The following FSHR variants were observed in gnomAD, a reference collection of about 807,000 sequenced individuals.
FSHR encodes follicle stimulating hormone receptor, also known as follicle-stimulating hormone receptor.
In FSHR, 46 loss-of-function variants were observed where a neutral mutation model predicts 52.1. The observed-to-expected ratio is 0.88, with a 90% CI of 0.70 to 1.13. The LOEUF is 1.13. Ranked by LOEUF, FSHR falls within the 50% of genes most tolerant of loss-of-function variation. The pLI is 0.00. For missense variants in FSHR, 964 were observed against 834.6 expected, an observed-to-expected ratio of 1.16 and a Z score of -1.91; for synonymous variants, 399 against 309.6, an observed-to-expected ratio of 1.29 and a Z score of -3.03.
chr2:49,121,382 A>G (rs1312176925), intron 1 of FSHR, among the ~76,000 whole-genome samples: 1 of 152,200 alleles, frequency 6.6e-6, no homozygotes, highest in African/African-American at 2.4e-5. Context: ...AGTGTTTTGT[A>G]AACTGTAAAG....
intron 2 of FSHR, among the ~76,000 whole-genome samples, chr2:49,066,391 T>C (rs1294146054): frequency 1.3e-5 from 2 of 151,700 alleles, no homozygotes; most frequent in East Asian, 1.9e-4. Flanking sequence ...GGAAAGGAGA[T>C]GAGAATTTCT....
chr2:48,966,909 G>A (rs1674501144), intron 9 of FSHR, among the ~76,000 whole-genome samples: 2 of 152,122 alleles, frequency 1.3e-5, no homozygotes, highest in Non-Finnish European at 2.9e-5. Context: ...AGAGCCGAGT[G>A]GTCTGGAGGG....
chr2:49,064,095 T>C (rs1024601790), intron 2 of FSHR, among the ~76,000 whole-genome samples: 1 of 151,682 alleles, frequency 6.6e-6, no homozygotes, highest in African/African-American at 2.4e-5. Flanking sequence ...TGTTTGCACA[T>C]GCATGGTGGG....
chr2:49,070,163 T>C (rs975078546), intron 1 of FSHR, among the ~76,000 whole-genome samples: 37 of 152,254 alleles, frequency 2.4e-4, no homozygotes, highest in African/African-American at 8.4e-4. Context: ...GTTGTTGTAA[T>C]AGCAATAAAT....
chr2:48,988,792 A>T (rs368534764), intron 6 of FSHR, among the ~76,000 whole-genome samples, 185 bp downstream of exon 6: 1 of 152,260 alleles, frequency 6.6e-6, no homozygotes, highest in African/African-American at 2.4e-5. Context: ...ATCATAAATT[A>T]TTAACATGAC....
rs1351621076 is a variant in FSHR at position 49,017,494 on chromosome 2, T to C, written c.369A>G (p.Gln123=). The part of the protein sequence containing the change: ...PEAFQNLPNL[Q]YLLISNTGIK... The stretch of plus-strand genomic sequence containing the variant: ...CAAACTACATGAGTTCTTACAGATA[T>C]TGAAGGTTGGGAAGGTTCTGGAAGG... The change falls in exon 4 of 10, where the codon CAA becomes CAG. Residue 123 remains glutamine (Q), a synonymous_variant. Transcript: ENST00000406846. 1.9e-6 allele frequency: 3 copies of C among 1,611,192 alleles called. No individual in the cohort carries two copies. Among genetic ancestry groups the C allele is most frequent in the Admixed American group, 3.3e-5 (2 of 59,932 alleles).
chr2:49,033,517 G>A lies in FSHR; in HGVS notation c.225-13357C>T, dbSNP rs574918529. On this transcript the variant is annotated intron_variant, in intron 2 of 9. Transcript: ENST00000406846. ...GGAGTTGATGAAGAGGCCAACGCAGGAGGGCTGTTTTCAGCTCAGATAAGG... is the reference window on the plus strand; with the variant it reads ...GGAGTTGATGAAGAGGCCAACGCAGAAGGGCTGTTTTCAGCTCAGATAAGG... Among the ~76,000 whole-genome samples the A allele has an allele frequency of 7.2e-5, 11 of 152,252 alleles. No homozygotes were observed. In the South Asian group the frequency reaches 1.9e-3, roughly 26 times the overall value.
rs984242436 is a variant in FSHR, at chr2:48,962,817, C to A, written c.2004G>T (p.Arg668Ser). The A allele has an allele frequency of 2.5e-6, 4 of 1,613,992 alleles. No homozygotes were observed. In the African/African-American group the frequency reaches 4.0e-5, roughly 16 times the overall value. The part of the protein sequence containing the change: ...TSSTVHNTHP[R>S]NGHCSSAPRV... ...TGGGAGCTGAAGAGCAGTGGCCATT[C>A]CTTGGATGGGTGTTGTGGACAGTGG... Residue 668 changes from arginine to serine, a missense_variant, in exon 10 of 10, where the codon AGG becomes AGT. Coordinates refer to ENST00000406846, the MANE Select transcript of FSHR (RefSeq NM_000145.4).
chr2:49,121,158 T>C (rs1269015973), intron 1 of FSHR, among the ~76,000 whole-genome samples: 5 of 152,222 alleles, frequency 3.3e-5, no homozygotes, highest in African/African-American at 7.2e-5. Flanking sequence ...CTGCCACTTA[T>C]TGAGCAGCTT....
chr2:49,026,248 T>C (rs1030931864), intron 2 of FSHR, among the ~76,000 whole-genome samples: 5 of 152,268 alleles, frequency 3.3e-5, no homozygotes, highest in Admixed American at 3.3e-4. Flanking sequence ...GTGTTCATTT[T>C]TAGGTTTACC....
At chr2:49,086,790 G>A (rs1670409328) in intron 1 of FSHR, among the ~76,000 whole-genome samples, 2 of 152,112 alleles carry the variant, frequency 1.3e-5, no homozygotes, top group Non-Finnish European at 2.9e-5. Context: ...ACAGGTGCCC[G>A]CCATCATGTC....
Position 48,963,552 on chromosome 2 carries a change from G to A in FSHR, c.1269C>T (p.Ile423=), listed in dbSNP as rs901580903. 1 of 1,614,196 alleles carries A rather than the reference G, an allele frequency of 6.2e-7. No homozygotes were observed. The highest frequency in any genetic ancestry group is 1.1e-5 in the South Asian group (1 of 91,088). Reference sequence around the variant, plus strand: ...AGTTGTGATATTGGCTCTTGGTATGGATATCAACTGATGCAATGAGCAGCA... The same window carrying A: ...AGTTGTGATATTGGCTCTTGGTATGAATATCAACTGATGCAATGAGCAGCA... The part of the protein sequence containing the change: ...IYLLLIASVD[I]HTKSQYHNYA... The change falls in exon 10 of 10, where the codon ATC becomes ATT. Residue 423 remains isoleucine (I), a synonymous_variant. Transcript: ENST00000406846.
chr2:49,040,108 G>A (rs984737005), intron 2 of FSHR, among the ~76,000 whole-genome samples: 1 of 152,166 alleles, frequency 6.6e-6, no homozygotes, highest in Non-Finnish European at 1.5e-5. Flanking sequence ...ACATAGAGGT[G>A]TTCTGTGAAA....
At chr2:49,134,436 G>A (rs576712544) in intron 1 of FSHR, among the ~76,000 whole-genome samples, 95 of 152,332 alleles carry the variant, frequency 6.2e-4, no homozygotes, top group Non-Finnish European at 1.1e-3. Context: ...AGAGGATGTG[G>A]AGAAATAGGA....
chr2:49,131,668 A>G (rs888474451), intron 1 of FSHR, among the ~76,000 whole-genome samples: 6 of 152,276 alleles, frequency 3.9e-5, no homozygotes, highest in South Asian at 2.1e-4. Flanking sequence ...AAATGCTTCA[A>G]CTACCCTCTC....
chr2:49,105,230 T>G (rs1473021900), intron 1 of FSHR, among the ~76,000 whole-genome samples: 3 of 152,162 alleles, frequency 2.0e-5, no homozygotes, highest in African/African-American at 7.2e-5. Flanking sequence ...AGGGAGCCTA[T>G]GTTGAAAACA....
At position 49,127,898 on chromosome 2, in the gene FSHR, C is replaced by CTTCTTCTTT. The variant is rs1558457105; in HGVS notation, c.152+26367_152+26368insAAAGAAGAA. 8.8e-3 allele frequency among the ~76,000 whole-genome samples: 240 copies of CTTCTTCTTT among 27,222 alleles called. 45 individuals are homozygous for CTTCTTCTTT. Among genetic ancestry groups the CTTCTTCTTT allele is most frequent in the East Asian group, 0.015 (14 of 914 alleles). The allele number at this position is 27,222 out of a possible 152,430, so 17.9% of individuals were successfully genotyped here. On this transcript the variant is annotated intron_variant, in intron 1 of 9. Coordinates refer to ENST00000406846, the MANE Select transcript of FSHR (RefSeq NM_000145.4). ...TCTTCTTCTTCTTCTTCTTCTTCTT[C>CTTCTTCTTT]TTTTTTTTTTTTGAGACGGAGTCTT...
At chr2:49,081,964 A>C (rs1670185135) in intron 1 of FSHR, among the ~76,000 whole-genome samples, 1 of 152,184 alleles carries the variant, frequency 6.6e-6, no homozygotes, top group African/African-American at 2.4e-5. Flanking sequence ...TGTAAATGAT[A>C]CTGGGTTCTG....
At chr2:49,109,705 T>G (rs1232005009) in intron 1 of FSHR, among the ~76,000 whole-genome samples, 1 of 152,178 alleles carries the variant, frequency 6.6e-6, no homozygotes, top group Admixed American at 6.5e-5. Context: ...TAGTTCAACA[T>G]CACATCTTCT....
Sources: gnomAD v4.1 joint callset for allele counts (sites outside exome capture counted in the v4.1 genomes callset) on GRCh38, gnomAD v4.1.1 for gene constraint, MANE v1.5 for transcripts, NCBI Gene and HGNC (gene_info 2026-07-23, HGNC 2026-07-21) for gene names.